Variants in PTPRD observed in about 807,000 individuals in gnomAD.
PTPRD encodes protein tyrosine phosphatase receptor type D, also known as receptor-type tyrosine-protein phosphatase delta.
A neutral mutation model predicts 214.5 loss-of-function variants in PTPRD; 34 were observed. That is an observed-to-expected ratio of 0.16 (90% CI 0.12 to 0.21). PTPRD has a LOEUF of 0.21. Ranked by LOEUF, PTPRD falls within the 10% of genes least tolerant of loss-of-function variation. The pLI, the probability that PTPRD is intolerant of heterozygous loss-of-function variation, is 1.00. For synonymous variants in PTPRD, 1,128 were observed against 845.7 expected, an observed-to-expected ratio of 1.33 and a Z score of -5.79; for missense variants, 2,545 against 2,398.7, an observed-to-expected ratio of 1.06 and a Z score of -1.27.
At chr9:10,041,739 G>A (rs1273546686) in intron 3 of PTPRD, among the ~76,000 whole-genome samples, 1 of 151,898 alleles carries the variant, frequency 6.6e-6, no homozygotes, top group Non-Finnish European at 1.5e-5. Context: ...TACAGAAAAT[G>A]ATTAAGCACT....
At chr9:9,793,954 A>T (rs1229614917) in intron 5 of PTPRD, among the ~76,000 whole-genome samples, 1 of 152,066 alleles carries the variant, frequency 6.6e-6, no homozygotes, top group Non-Finnish European at 1.5e-5. Context: ...CAAAGAGCTG[A>T]AGAATAATCA....
At chr9:9,476,446 A>C (rs1162670000) in intron 8 of PTPRD, among the ~76,000 whole-genome samples, 6 of 152,222 alleles carry the variant, frequency 3.9e-5, no homozygotes, top group African/African-American at 1.4e-4. Flanking sequence ...AGGACAATGA[A>C]TAGTGATGTG....
chr9:9,375,364 A>T (rs2060506416), intron 9 of PTPRD, among the ~76,000 whole-genome samples: 1 of 152,248 alleles, frequency 6.6e-6, no homozygotes, highest in Non-Finnish European at 1.5e-5. Context: ...TTGGGAGGCC[A>T]AGTCTGGCAG....
intron 4 of PTPRD, among the ~76,000 whole-genome samples, chr9:10,022,454 C>T (rs1045069852): frequency 2.0e-5 from 3 of 151,214 alleles, no homozygotes. Flanking sequence ...AATCACTTTC[C>T]CTTTCATATT....
chr9:9,747,822 G>A (rs1355309118), intron 6 of PTPRD, among the ~76,000 whole-genome samples: 1 of 152,046 alleles, frequency 6.6e-6, no homozygotes, highest in African/African-American at 2.4e-5. Flanking sequence ...CAAAGTGCTG[G>A]GATTAGAGAC....
intron 36 of PTPRD, among the ~76,000 whole-genome samples, chr9:8,397,372 T>G (rs192970939): frequency 4.6e-5 from 7 of 152,280 alleles, no homozygotes; most frequent in Middle Eastern, 3.4e-3. Flanking sequence ...GTTTTGATGT[T>G]AGAACTTCAC....
intron 5 of PTPRD, among the ~76,000 whole-genome samples, chr9:9,865,861 C>T (rs2063821066): frequency 6.6e-6 from 1 of 152,142 alleles, no homozygotes; most frequent in Admixed American, 6.5e-5. Context: ...CTCATAACAC[C>T]AATTTCCTCA....
chr9:9,810,743 C>T (rs1456126231), intron 5 of PTPRD, among the ~76,000 whole-genome samples: 2 of 151,954 alleles, frequency 1.3e-5, no homozygotes, highest in African/African-American at 4.8e-5. Flanking sequence ...CATACTGCAA[C>T]CCATGAATCA....
chr9:8,938,517 G>C (rs2099012135), intron 11 of PTPRD, among the ~76,000 whole-genome samples: 2 of 152,076 alleles, frequency 1.3e-5, no homozygotes, highest in Admixed American at 6.6e-5. Flanking sequence ...TTGATTTCTG[G>C]TTTGGGAATA....
intron 39 of PTPRD, among the ~76,000 whole-genome samples, chr9:8,373,214 C>T (rs2082070464): frequency 6.6e-6 from 1 of 151,890 alleles, no homozygotes; most frequent in Non-Finnish European, 1.5e-5. Context: ...GCTGCTTTGT[C>T]ACAAAACATT....
chr9:9,123,141 A>G (rs1374437974), intron 10 of PTPRD, among the ~76,000 whole-genome samples: 1 of 152,188 alleles, frequency 6.6e-6, no homozygotes, highest in East Asian at 1.9e-4. Context: ...AGTGTCTGCC[A>G]TTTGATGAAC....
At chr9:10,502,447 G>C (rs1294963560) in intron 2 of PTPRD, among the ~76,000 whole-genome samples, 2 of 151,900 alleles carry the variant, frequency 1.3e-5, no homozygotes, top group East Asian at 3.9e-4. Flanking sequence ...TTTAAAATTA[G>C]TATTAATCTC....
intron 14 of PTPRD, among the ~76,000 whole-genome samples, chr9:8,630,619 AT>A (rs1165688645): frequency 6.6e-6 from 1 of 151,868 alleles, no homozygotes; most frequent in Non-Finnish European, 1.5e-5. Context: ...CTTTAAAAAA[AT>A]GGAAAGGGTT....
intron 8 of PTPRD, among the ~76,000 whole-genome samples, chr9:9,495,103 G>C (rs1270296489): frequency 6.6e-6 from 1 of 152,064 alleles, no homozygotes; most frequent in Admixed American, 6.5e-5. Flanking sequence ...GGGAAGACTA[G>C]ATAGCCACAT....
At chr9:9,199,141 T>C (rs2099940404) in intron 9 of PTPRD, among the ~76,000 whole-genome samples, 1 of 152,092 alleles carries the variant, frequency 6.6e-6, no homozygotes, top group Non-Finnish European at 1.5e-5. Context: ...TATCATCCCC[T>C]AGGTAAAAAA....
At chr9:8,732,679 G>A (rs1462529327) in intron 12 of PTPRD, among the ~76,000 whole-genome samples, 1 of 152,104 alleles carries the variant, frequency 6.6e-6, no homozygotes, top group Non-Finnish European at 1.5e-5. Flanking sequence ...TATTACATAT[G>A]TATCTTCTTA....
chr9:10,561,819 G>A (rs886072246), intron 2 of PTPRD, among the ~76,000 whole-genome samples: 1 of 151,862 alleles, frequency 6.6e-6, no homozygotes, highest in African/African-American at 2.4e-5. Context: ...TCTGACTCTT[G>A]GCTTTTAATA....
intron 3 of PTPRD, among the ~76,000 whole-genome samples, chr9:10,316,570 T>C (rs2154423697): frequency 6.6e-6 from 1 of 152,098 alleles, no homozygotes; most frequent in African/African-American, 2.4e-5. Flanking sequence ...ATGATTTCAT[T>C]TGGTCTTTTT....
At chr9:9,328,494 C>T (rs1223026138) in intron 9 of PTPRD, among the ~76,000 whole-genome samples, 1 of 151,824 alleles carries the variant, frequency 6.6e-6, no homozygotes, top group Non-Finnish European at 1.5e-5. Flanking sequence ...GATGCTTCAA[C>T]CTGGCTGGTA....
Sources: gnomAD v4.1 joint callset for allele counts (sites outside exome capture counted in the v4.1 genomes callset) on GRCh38, gnomAD v4.1.1 for gene constraint, MANE v1.5 for transcripts, NCBI Gene and HGNC (gene_info 2026-07-23, HGNC 2026-07-21) for gene names.